Variants in CDC42BPA observed in about 807,000 individuals in gnomAD.
The protein encoded by CDC42BPA is serine/threonine-protein kinase MRCK alpha.
A neutral mutation model predicts 223.5 loss-of-function variants in CDC42BPA; 80 were observed. The observed-to-expected ratio is 0.36, with a 90% CI of 0.30 to 0.43. The LOEUF (loss-of-function observed/expected upper bound fraction) is 0.43, where lower values mean the gene tolerates loss of function less well. Ranked by LOEUF, CDC42BPA falls within the 20% of genes least tolerant of loss-of-function variation. The probability of loss-of-function intolerance (pLI) is 1.00; values close to 1 mark genes in which losing one functional copy is unlikely to be tolerated. For synonymous variants in CDC42BPA, 694 were observed against 718.6 expected (o/e 0.97, Z 0.55); for missense variants, 1,743 against 2,099.9 (o/e 0.83, Z 3.32).
chr1:227,237,878 A>G (rs1236147044), intron 2 of CDC42BPA, among the ~76,000 whole-genome samples: 1 of 151,684 alleles, frequency 6.6e-6, no homozygotes, highest in African/African-American at 2.4e-5. Flanking sequence ...TGTCTCTACT[A>G]AGAATACAAA....
In CDC42BPA at chr1:227,273,484, G is replaced by A. The variant is rs532459271; in HGVS notation, c.179-19329C>T. The stretch of plus-strand genomic sequence containing the variant: ...CAGGAGGCTGAGGCTGCGGTGAGCC[G>A]AGATGGCACCACTGCACTCCAGCCT... On this transcript the variant is annotated intron_variant, in intron 1 of 36. Transcript: ENST00000366766. Among the ~76,000 whole-genome samples, 7 of 151,552 alleles carry A rather than the reference G, an allele frequency of 4.6e-5. No individual in the cohort carries two copies. The East Asian group carries it at 1.4e-3, about 29-fold the overall frequency.
chr1:227,220,769 C>T (rs1675764981), intron 2 of CDC42BPA, among the ~76,000 whole-genome samples: 1 of 152,146 alleles, frequency 6.6e-6, no homozygotes, highest in Non-Finnish European at 1.5e-5. Context: ...CCTTCCCTTC[C>T]TGTCCTTATT....
chr1:227,259,020 T>C (rs1368474100), intron 1 of CDC42BPA, among the ~76,000 whole-genome samples: 2 of 151,124 alleles, frequency 1.3e-5, no homozygotes, highest in African/African-American at 2.5e-5. Context: ...CTATTAGTGA[T>C]ATTTCACAAA....
chr1:227,096,591 T>C (rs1288351553), intron 15 of CDC42BPA, among the ~76,000 whole-genome samples: 1 of 152,248 alleles, frequency 6.6e-6, no homozygotes, highest in Non-Finnish European at 1.5e-5. Context: ...CTGGCCACTT[T>C]TGACAGTGTT....
intron 14 of CDC42BPA, among the ~76,000 whole-genome samples, chr1:227,107,054 G>T (rs1686057052): frequency 6.6e-6 from 1 of 152,060 alleles, no homozygotes; most frequent in Non-Finnish European, 1.5e-5. Flanking sequence ...AATTCCATAT[G>T]AATTTGAGGA....
intron 6 of CDC42BPA, among the ~76,000 whole-genome samples, chr1:227,157,056 G>T (rs1662955236): frequency 6.6e-6 from 1 of 152,072 alleles, no homozygotes; most frequent in Non-Finnish European, 1.5e-5. Context: ...CATTGTTTAT[G>T]TGACTATTGT....
intron 2 of CDC42BPA, among the ~76,000 whole-genome samples, chr1:227,241,387 A>T (rs554539589): frequency 4.6e-5 from 7 of 152,140 alleles, no homozygotes; most frequent in Admixed American, 3.3e-4. Flanking sequence ...AAAAACCTGT[A>T]GGAGAATATT....
chr1:227,261,409 C>T (rs1440292066), intron 1 of CDC42BPA, among the ~76,000 whole-genome samples: 1 of 150,816 alleles, frequency 6.6e-6, no homozygotes, highest in Non-Finnish European at 1.5e-5. Context: ...AGCCACTGCA[C>T]CTAGCCTGAG....
chr1:227,050,368 A>G (rs913386311), intron 22 of CDC42BPA, among the ~76,000 whole-genome samples: 3 of 152,200 alleles, frequency 2.0e-5, no homozygotes, highest in Admixed American at 6.6e-5. Context: ...TGGGGGAGTG[A>G]AAATTGGTCC....
chr1:227,220,311 T>TATAC (rs1210485137), intron 2 of CDC42BPA, among the ~76,000 whole-genome samples: 27 of 49,520 alleles, frequency 5.5e-4, no homozygotes, highest in South Asian at 1.8e-3. Flanking sequence ...TATATATATA[T>TATAC]ACACACACAC....
chr1:227,220,262 T>G (rs1675586217), intron 2 of CDC42BPA, among the ~76,000 whole-genome samples: 1 of 138,484 alleles, frequency 7.2e-6, no homozygotes, highest in Admixed American at 7.7e-5. Context: ...CTTCAGTCTC[T>G]TTAATGAAAA....
intron 11 of CDC42BPA, among the ~76,000 whole-genome samples, chr1:227,124,973 C>T (rs1025194502): frequency 1.3e-5 from 2 of 152,094 alleles, no homozygotes; most frequent in Non-Finnish European, 1.5e-5. Flanking sequence ...TTCCTCAGGA[C>T]ACTGGGACCT....
chr1:227,070,147 G>C (rs1415791925), intron 20 of CDC42BPA, among the ~76,000 whole-genome samples: 1 of 151,802 alleles, frequency 6.6e-6, no homozygotes, highest in Non-Finnish European at 1.5e-5. Context: ...TGGTAGGCTT[G>C]AGAGAATTTA....
At chr1:227,065,289 A>G (rs1487431170) in intron 21 of CDC42BPA, among the ~76,000 whole-genome samples, 1 of 152,150 alleles carries the variant, frequency 6.6e-6, no homozygotes, top group Non-Finnish European at 1.5e-5. Flanking sequence ...AATGGTTAAA[A>G]CAACTGGATT....
At chr1:227,193,149 A>C (rs1259726963) in intron 5 of CDC42BPA, among the ~76,000 whole-genome samples, 1 of 148,068 alleles carries the variant, frequency 6.8e-6, no homozygotes, top group Non-Finnish European at 1.5e-5. Context: ...GCTCACTGCA[A>C]GCTCCGCCTC....
chr1:227,284,471 T>C (rs1229573650), intron 1 of CDC42BPA, among the ~76,000 whole-genome samples: 3 of 152,162 alleles, frequency 2.0e-5, no homozygotes, highest in Non-Finnish European at 4.4e-5. Context: ...CAGCAGGTGA[T>C]TATCAAGTAT....
chr1:227,191,848 G>A (rs1410590712), intron 5 of CDC42BPA, among the ~76,000 whole-genome samples: 3 of 152,096 alleles, frequency 2.0e-5, no homozygotes, highest in African/African-American at 7.2e-5. Context: ...GGCAAGAAGT[G>A]GTAGCTATGC....
chr1:227,280,826 T>C (rs1467916953), intron 1 of CDC42BPA, among the ~76,000 whole-genome samples: 1 of 152,222 alleles, frequency 6.6e-6, no homozygotes, highest in Non-Finnish European at 1.5e-5. Context: ...GCAAGAAGGA[T>C]TGTTTTAGCT....
chr1:227,068,516 A>C (rs73091778), intron 21 of CDC42BPA: 4,673 of 207,652 alleles, frequency 0.023, 208 homozygotes, highest in African/African-American at 0.1. Flanking sequence ...TTAAGATAAG[A>C]AAGAAGCATA....
Sources: allele counts gnomAD v4.1 joint callset (sites outside exome capture counted in the v4.1 genomes callset), GRCh38; gene constraint gnomAD v4.1.1; transcripts MANE v1.5; gene names NCBI Gene and HGNC (gene_info 2026-07-23, HGNC 2026-07-21).